Variants in CSMD1 observed in about 807,000 individuals in gnomAD.
CSMD1 encodes the protein CUB and sushi domain-containing protein 1.
Under a neutral mutation model 417.5 loss-of-function variants are expected in CSMD1, and 213 were observed. The observed-to-expected ratio is 0.51, with a 90% CI of 0.46 to 0.57. The LOEUF is 0.57. Ranked by LOEUF, CSMD1 falls within the 20% of genes least tolerant of loss-of-function variation. The pLI is 0.00. For synonymous variants in CSMD1, 2,862 were observed against 1,736.8 expected, an observed-to-expected ratio of 1.65 and a Z score of -16.11; for missense variants, 6,923 against 4,529.7, an observed-to-expected ratio of 1.53 and a Z score of -15.17.
In CSMD1 at chr8:4,146,593, CA is replaced by C. The variant is rs72381303; in HGVS notation, c.416-114495del. Among the ~76,000 whole-genome samples, 246 of 90,750 alleles carry C rather than the reference CA, an allele frequency of 2.7e-3. 48 individuals carry two copies. The highest frequency in any genetic ancestry group is 3.3e-3 in the Non-Finnish European group (171 of 51,294). The allele number at this position is 90,750 out of a possible 152,430, so 59.5% of individuals were successfully genotyped here. A position where few individuals can be genotyped will look rare whatever the true frequency, so the allele number is the denominator to read the frequency against. ...ATCTGTCTAAATGTTTATATGGACA[CA>C]TTTTTTTTTTTTTTTTTTTTTTTTT... On this transcript the variant is annotated intron_variant, in intron 3 of 69. Transcript: ENST00000635120.
At chr8:3,941,631 GA>G (rs1810890270) in intron 5 of CSMD1, among the ~76,000 whole-genome samples, 1 of 152,012 alleles carries the variant, frequency 6.6e-6, no homozygotes, top group Non-Finnish European at 1.5e-5. Flanking sequence ...AAGACTTAAT[GA>G]AAAAAATTAA....
intron 5 of CSMD1, among the ~76,000 whole-genome samples, chr8:3,918,321 C>T (rs1477584825): frequency 2.0e-5 from 3 of 152,030 alleles, no homozygotes; most frequent in South Asian, 2.1e-4. Context: ...TTCCTACCAC[C>T]AGTGTACAGA....
chr8:3,313,733 C>G (rs1022499984), intron 23 of CSMD1, among the ~76,000 whole-genome samples: 1 of 152,106 alleles, frequency 6.6e-6, no homozygotes, highest in African/African-American at 2.4e-5. Flanking sequence ...GGATCTAGAA[C>G]TAGAAATACC....
intron 10 of CSMD1, among the ~76,000 whole-genome samples, chr8:3,526,930 G>A (rs929818624): frequency 2.0e-5 from 3 of 152,116 alleles, no homozygotes; most frequent in Admixed American, 6.5e-5. Context: ...GTGTCCAGGG[G>A]ATAAGATCTT....
At chr8:4,579,513 C>T (rs889455013) in intron 2 of CSMD1, among the ~76,000 whole-genome samples, 1 of 152,048 alleles carries the variant, frequency 6.6e-6, no homozygotes, top group East Asian at 1.9e-4. Flanking sequence ...CAGGCACCCG[C>T]CACCACGCCC....
intron 25 of CSMD1, among the ~76,000 whole-genome samples, chr8:3,286,200 C>A (rs1006760658): frequency 4.6e-5 from 7 of 152,186 alleles, no homozygotes; most frequent in Non-Finnish European, 8.8e-5. Flanking sequence ...CGTATATGTG[C>A]TACAATTTCT....
At chr8:4,504,639 C>A (rs1802427343) in intron 2 of CSMD1, among the ~76,000 whole-genome samples, 1 of 152,114 alleles carries the variant, frequency 6.6e-6, no homozygotes, top group Non-Finnish European at 1.5e-5. Flanking sequence ...CCTTGGCCCC[C>A]ACCTCCCGAC....
At chr8:3,872,628 T>G (rs144475542) in intron 5 of CSMD1, among the ~76,000 whole-genome samples, 14 of 152,294 alleles carry the variant, frequency 9.2e-5, no homozygotes, top group African/African-American at 3.1e-4. Flanking sequence ...CCACAATCCA[T>G]TCATTTTCTC....
chr8:4,147,568 G>A (rs1796317363), intron 3 of CSMD1, among the ~76,000 whole-genome samples: 1 of 152,118 alleles, frequency 6.6e-6, no homozygotes, highest in African/African-American at 2.4e-5. Context: ...CCTGTTTCTG[G>A]ATAATGATAA....
intron 2 of CSMD1, among the ~76,000 whole-genome samples, chr8:4,581,331 T>C (rs999804432): frequency 1.2e-4 from 18 of 152,172 alleles, no homozygotes; most frequent in African/African-American, 4.3e-4. Context: ...AAGTTGAATA[T>C]ATACTACTTT....
intron 3 of CSMD1, among the ~76,000 whole-genome samples, chr8:4,119,533 A>T (rs1253765159): frequency 6.6e-6 from 1 of 152,132 alleles, no homozygotes; most frequent in African/African-American, 2.4e-5. Context: ...CTTGGGAAAT[A>T]ACCAAGTTTA....
intron 12 of CSMD1, among the ~76,000 whole-genome samples, chr8:3,433,517 C>T (rs1254350858): frequency 6.6e-6 from 1 of 152,036 alleles, no homozygotes; most frequent in Non-Finnish European, 1.5e-5. Context: ...TCAAGATCTC[C>T]TTATTATGTA....
At chr8:3,826,553 G>C (rs1315336413) in intron 5 of CSMD1, among the ~76,000 whole-genome samples, 1 of 152,066 alleles carries the variant, frequency 6.6e-6, no homozygotes, top group African/African-American at 2.4e-5. Context: ...CGGCTGATAT[G>C]AGCGCCTCTC....
At chr8:4,525,601 G>A (rs1563256259) in intron 2 of CSMD1, among the ~76,000 whole-genome samples, 1 of 152,126 alleles carries the variant, frequency 6.6e-6, no homozygotes, top group Non-Finnish European at 1.5e-5. Flanking sequence ...TATACATGAA[G>A]TATGAATTTG....
At chr8:3,811,472 G>A (rs1228278300) in intron 5 of CSMD1, among the ~76,000 whole-genome samples, 2 of 152,046 alleles carry the variant, frequency 1.3e-5, no homozygotes, top group Non-Finnish European at 1.5e-5. Flanking sequence ...TAGACATTTG[G>A]TTTTTCCCAA....
chr8:3,365,565 C>T (rs1240506977), intron 20 of CSMD1, among the ~76,000 whole-genome samples: 2 of 152,320 alleles, frequency 1.3e-5, no homozygotes, highest in South Asian at 4.1e-4. Context: ...TTTGCTACAA[C>T]TTAAAAACAC....
intron 5 of CSMD1, among the ~76,000 whole-genome samples, chr8:3,849,290 G>C (rs1204693624): frequency 6.6e-6 from 1 of 152,128 alleles, no homozygotes. Flanking sequence ...CACAGACAAA[G>C]ATACAGGGCG....
At chr8:4,250,638 C>G (rs1256807758) in intron 3 of CSMD1, among the ~76,000 whole-genome samples, 1 of 152,190 alleles carries the variant, frequency 6.6e-6, no homozygotes, top group Non-Finnish European at 1.5e-5. Context: ...TCCTTCCACA[C>G]TGTATTAGAT....
At chr8:3,055,917 A>G (rs991893436) in intron 49 of CSMD1, among the ~76,000 whole-genome samples, 1 of 152,224 alleles carries the variant, frequency 6.6e-6, no homozygotes, top group South Asian at 2.1e-4. Flanking sequence ...ACCTATGTCA[A>G]AAGGTAATCA....
Sources: allele counts gnomAD v4.1 joint callset (sites outside exome capture counted in the v4.1 genomes callset), GRCh38; gene constraint gnomAD v4.1.1; transcripts MANE v1.5; gene names NCBI Gene and HGNC (gene_info 2026-07-23, HGNC 2026-07-21).